Variants in HMBOX1 observed in about 807,000 individuals in gnomAD.
The protein encoded by HMBOX1 is homeobox-containing protein 1.
In HMBOX1, 14 loss-of-function variants were observed where a neutral mutation model predicts 54.5. That is an observed-to-expected ratio of 0.26 (90% CI 0.17 to 0.40). The LOEUF is 0.40. Ranked by LOEUF, HMBOX1 falls within the 10% of genes least tolerant of loss-of-function variation. The pLI is 1.00. For synonymous variants in HMBOX1, 160 were observed against 181.0 expected (o/e 0.88, Z 0.93); for missense variants, 332 against 514.4 (o/e 0.65, Z 3.43).
chr8:29,012,115 A>G (rs554513918), intron 5 of HMBOX1, among the ~76,000 whole-genome samples: 4 of 152,344 alleles, frequency 2.6e-5, no homozygotes, highest in Non-Finnish European at 5.9e-5. Context: ...ATTGGGTATT[A>G]GCAACTGAAA....
chr8:29,049,179 G>A (rs1806070289), intron 9 of HMBOX1, 131 bp downstream of exon 9: 2 of 1,498,458 alleles, frequency 1.3e-6, no homozygotes, highest in Admixed American at 1.9e-5. Context: ...CTCTGCTCCT[G>A]TGTCTAGTTA....
chr8:29,047,525 T>G (rs540661226), intron 8 of HMBOX1, 72 bp downstream of exon 8: 10 of 792,618 alleles, frequency 1.3e-5, no homozygotes, highest in Admixed American at 1.0e-4. Context: ...AAGATTAACT[T>G]CAGTTTAGAA....
At chr8:29,004,293 C>T (rs1390027610) in intron 4 of HMBOX1, among the ~76,000 whole-genome samples, 1 of 152,124 alleles carries the variant, frequency 6.6e-6, no homozygotes, top group African/African-American at 2.4e-5. Context: ...CAAAGGAATT[C>T]TGAGGGTTAC....
Position 28,970,048 on chromosome 8 carries a change from T to C in HMBOX1, c.29T>C (p.Leu10Pro). The C allele has an allele frequency of 6.3e-7, 1 of 1,595,360 alleles. No individual in the cohort carries two copies. Among genetic ancestry groups the C allele is most frequent in the South Asian group, 1.1e-5 (1 of 89,524 alleles). The change falls in exon 3 of 10, where the codon CTG becomes CCG. Residue 10 changes from leucine to proline, a missense_variant. This residue lies in a region of HMBOX1 where 146 missense variants were observed against 173.3 expected (regional missense o/e 0.84). Coordinates refer to ENST00000287701, the MANE Select transcript of HMBOX1 (RefSeq NM_001135726.3). This position sits in a 1 kb window ranked among gnomAD's most constrained non-coding sequence, Gnocchi z 4.3. MLSSFPVVL[L>P]ETMSHYTDEP... is the part of the protein sequence containing the mutation. ...TTTTATCTCTTTTTTTTTAGTTTGC[T>C]GGAAACCATGTCTCATTATACAGAT...
At chr8:28,942,910 A>G (rs1282350259) in intron 1 of HMBOX1, among the ~76,000 whole-genome samples, 4 of 152,174 alleles carry the variant, frequency 2.6e-5, no homozygotes, top group African/African-American at 9.7e-5. Context: ...TTTGCATTGT[A>G]ATTTGGATCC....
chr8:29,022,787 A>G (rs1801388915), intron 6 of HMBOX1, among the ~76,000 whole-genome samples: 1 of 149,946 alleles, frequency 6.7e-6, no homozygotes, highest in African/African-American at 2.4e-5. Context: ...GAAGAGAGGT[A>G]GAAGCTAGAT....
At chr8:29,046,519 G>A (rs1326318852) in intron 7 of HMBOX1, 1 of 152,216 alleles carries the variant, frequency 6.6e-6, no homozygotes, top group Non-Finnish European at 1.5e-5. Context: ...AATGCAACTT[G>A]AATTGTGCTA....
intron 1 of HMBOX1, among the ~76,000 whole-genome samples, chr8:28,952,704 ACT>A (rs1403443059): frequency 6.6e-6 from 1 of 151,950 alleles, no homozygotes; most frequent in African/African-American, 2.4e-5. Context: ...TATCAGTAAA[ACT>A]CTCCAATAAG....
chr8:29,041,674 T>A (rs894802339), intron 6 of HMBOX1, among the ~76,000 whole-genome samples: 15 of 152,066 alleles, frequency 9.9e-5, no homozygotes, highest in Non-Finnish European at 8.8e-5. Context: ...TGGATAAGAT[T>A]TGCACTGCGG....
At chr8:29,013,851 G>A (rs1834570948) in intron 5 of HMBOX1, among the ~76,000 whole-genome samples, 1 of 152,206 alleles carries the variant, frequency 6.6e-6, no homozygotes, top group Admixed American at 6.5e-5. Context: ...GACAGGGTTT[G>A]CTGAGTTCCT....
In HMBOX1 at chr8:29,052,211, G is replaced by A. The variant is rs1197495889; in HGVS notation, c.*1056G>A. ...TGAGAGGTCACTAGAGGACTTCATA[G>A]TGGGGTTGTGCTGCTTATCACAGAT... is the stretch of plus-strand genomic sequence containing the variant. On this transcript the variant is annotated 3_prime_UTR_variant, in exon 10 of 10. Transcript: ENST00000287701. 1 of 152,642 alleles carries A rather than the reference G, an allele frequency of 6.6e-6. No individual in the cohort carries two copies. The highest frequency in any genetic ancestry group is 1.5e-5 in the Non-Finnish European group (1 of 68,330). 9.5% of individuals were successfully genotyped at this position (152,642 alleles called of 1,614,324 possible). A position where few individuals can be genotyped will look rare whatever the true frequency, so the allele number is the denominator to read the frequency against.
chr8:28,987,992 A>G (rs1409902950), intron 4 of HMBOX1, among the ~76,000 whole-genome samples: 1 of 152,194 alleles, frequency 6.6e-6, no homozygotes, highest in Non-Finnish European at 1.5e-5. Context: ...AGTTGTACCA[A>G]ACTTATACAG....
intron 1 of HMBOX1, among the ~76,000 whole-genome samples, chr8:28,931,199 C>T (rs554158052): frequency 1.3e-5 from 2 of 152,198 alleles, no homozygotes; most frequent in South Asian, 4.1e-4. Context: ...TTTTTCAACA[C>T]CTAATATATA....
At chr8:28,968,609 C>G (rs1184873290) in intron 2 of HMBOX1, among the ~76,000 whole-genome samples, 1 of 152,066 alleles carries the variant, frequency 6.6e-6, no homozygotes, top group East Asian at 1.9e-4. Context: ...AAATTCGTAC[C>G]CAGTTCCTGC....
intron 9 of HMBOX1, chr8:29,050,241 CT>C (rs1806240308): frequency 1.0e-6 from 1 of 984,236 alleles, no homozygotes; most frequent in Admixed American, 6.1e-5. Context: ...CGGAGTTCCC[CT>C]GAAGATGACA....
In HMBOX1 at chr8:28,901,516, C is replaced by G. The variant is rs534349688; in HGVS notation, c.-58+10838C>G. ...ACCCCATAACATCTCTTAGATTATT[C>G]TTTTCCTTTATTGTCTATAGTTGCC... On this transcript the variant is annotated intron_variant, in intron 1 of 9. Coordinates refer to ENST00000287701, the MANE Select transcript of HMBOX1 (RefSeq NM_001135726.3). Among the ~76,000 whole-genome samples, 12 of 152,252 alleles carry G rather than the reference C, an allele frequency of 7.9e-5. No homozygotes were observed. In the South Asian group the frequency reaches 2.3e-3, roughly 29 times the overall value.
intron 4 of HMBOX1, among the ~76,000 whole-genome samples, chr8:28,996,575 T>C (rs1191517904): frequency 6.6e-6 from 1 of 151,228 alleles, no homozygotes; most frequent in Non-Finnish European, 1.5e-5. Context: ...CTTTTCACAT[T>C]GTTGATAGTG....
intron 1 of HMBOX1, among the ~76,000 whole-genome samples, chr8:28,940,980 G>C (rs1821299823): frequency 6.6e-6 from 1 of 152,182 alleles, no homozygotes; most frequent in Non-Finnish European, 1.5e-5. Context: ...TCAAGATGGA[G>C]TTTAGTTTCT....
At chr8:29,049,190 G>T in intron 9 of HMBOX1, 142 bp downstream of exon 9, 1 of 1,500,108 alleles carries the variant, frequency 6.7e-7, no homozygotes, top group South Asian at 1.2e-5. Flanking sequence ...TGTCTAGTTA[G>T]ATTTCATGTA....
Sources: gnomAD v4.1 joint callset for allele counts (sites outside exome capture counted in the v4.1 genomes callset) on GRCh38, gnomAD v4.1.1 for gene constraint, gnomAD v4.1.1 regional missense constraint, Gnocchi (gnomAD v3.1) non-coding constraint, MANE v1.5 for transcripts, NCBI Gene and HGNC (gene_info 2026-07-23, HGNC 2026-07-21) for gene names.